SGCD: variants seen among roughly 807,000 people sequenced by gnomAD.
SGCD encodes the protein sarcoglycan delta.
Under a neutral mutation model 36.6 loss-of-function variants are expected in SGCD, and 18 were observed. That is an observed-to-expected ratio of 0.49 (90% CI 0.34 to 0.73). The LOEUF is 0.73. Among genes scored for constraint, SGCD ranks in the 30% least tolerant of loss-of-function variants. The pLI is 0.01. For synonymous variants in SGCD, 133 were observed against 130.6 expected (o/e 1.02, Z -0.12); for missense variants, 387 against 346.7 (o/e 1.12, Z -0.92).
chr5:156,656,510 T>C (rs145289044), intron 7 of SGCD, among the ~76,000 whole-genome samples: 129 of 152,240 alleles, frequency 8.5e-4, no homozygotes, highest in Middle Eastern at 3.4e-3. Flanking sequence ...TCTGGGGCCA[T>C]TTAGCATGGG....
chr5:155,953,796 A>G (rs1004771412), intron 1 of SGCD, among the ~76,000 whole-genome samples: 1 of 152,188 alleles, frequency 6.6e-6, no homozygotes, highest in Non-Finnish European at 1.5e-5. Flanking sequence ...TCCTCCAACA[A>G]ATTCATTTTC....
intron 7 of SGCD, among the ~76,000 whole-genome samples, chr5:156,731,967 G>A (rs1231917961): frequency 1.3e-5 from 2 of 152,030 alleles, no homozygotes; most frequent in African/African-American, 2.4e-5. Context: ...ACTGTTGTTG[G>A]TACATAGGAA....
intron 4 of SGCD, among the ~76,000 whole-genome samples, chr5:156,551,643 A>T (rs1758803176): frequency 6.6e-6 from 1 of 152,218 alleles, no homozygotes; most frequent in Admixed American, 6.5e-5. Context: ...AGGGAGGGAT[A>T]AAGGCAAAGG....
At chr5:156,656,118 T>C (rs1027483582) in intron 7 of SGCD, among the ~76,000 whole-genome samples, 2 of 152,130 alleles carry the variant, frequency 1.3e-5, no homozygotes, top group African/African-American at 4.8e-5. Flanking sequence ...GAGGGAACCA[T>C]GAAATATCAA....
At chr5:156,299,512 A>G (rs913829137) in intron 3 of SGCD, among the ~76,000 whole-genome samples, 20 of 151,854 alleles carry the variant, frequency 1.3e-4, no homozygotes, top group African/African-American at 4.4e-4. Context: ...GAATGTCTAG[A>G]TTGTTTTGGG....
At chr5:156,489,660 C>G (rs1476025086) in intron 3 of SGCD, among the ~76,000 whole-genome samples, 1 of 151,932 alleles carries the variant, frequency 6.6e-6, no homozygotes. Flanking sequence ...AAATCAAAAA[C>G]ATTTTTGAAA....
chr5:155,928,515 A>C (rs1053857852), intron 1 of SGCD, among the ~76,000 whole-genome samples: 2 of 151,984 alleles, frequency 1.3e-5, no homozygotes, highest in African/African-American at 4.8e-5. Context: ...TAAAAATATA[A>C]AAATTAGCTG....
intron 3 of SGCD, among the ~76,000 whole-genome samples, chr5:156,309,373 G>A (rs1397685344): frequency 4.0e-5 from 6 of 151,514 alleles, no homozygotes; most frequent in Non-Finnish European, 8.8e-5. Flanking sequence ...ATTTTTATTG[G>A]TAAAGTCTAT....
chr5:156,391,180 A>T (rs73293248), intron 3 of SGCD, among the ~76,000 whole-genome samples: 2 of 152,172 alleles, frequency 1.3e-5, no homozygotes, highest in Non-Finnish European at 2.9e-5. Context: ...ATACACAAAA[A>T]CTTCCCATTG....
chr5:156,505,226 C>G (rs1040360310), intron 3 of SGCD, among the ~76,000 whole-genome samples: 1 of 152,318 alleles, frequency 6.6e-6, no homozygotes, highest in Admixed American at 6.5e-5. Context: ...TGCCATGTCC[C>G]CCAGCCTGTT....
At chr5:156,564,382 G>A (rs1360737112) in intron 4 of SGCD, among the ~76,000 whole-genome samples, 12 of 152,076 alleles carry the variant, frequency 7.9e-5, no homozygotes, top group African/African-American at 2.4e-4. Context: ...CCCGGGAGGC[G>A]GAGCTTGCAG....
intron 1 of SGCD, among the ~76,000 whole-genome samples, chr5:156,098,595 A>ATG (rs1028966183): frequency 1.6e-5 from 2 of 128,032 alleles, no homozygotes; most frequent in Admixed American, 1.5e-4. Flanking sequence ...GGTTGTGTGT[A>ATG]TGTGTATATA....
intron 1 of SGCD, among the ~76,000 whole-genome samples, chr5:155,921,293 C>T (rs999917076): frequency 1.3e-5 from 2 of 151,940 alleles, no homozygotes; most frequent in Admixed American, 1.3e-4. Flanking sequence ...GGAGGCAGAA[C>T]CAGATTTTGT....
intron 3 of SGCD, among the ~76,000 whole-genome samples, chr5:156,424,510 T>C (rs1344375531): frequency 6.6e-6 from 1 of 152,112 alleles, no homozygotes; most frequent in Non-Finnish European, 1.5e-5. Flanking sequence ...CCATTCCAAA[T>C]TTTTGGTCTT....
intron 3 of SGCD, among the ~76,000 whole-genome samples, chr5:156,444,064 T>TCTCTCTC (rs1491385216): frequency 2.9e-5 from 1 of 34,486 alleles, no homozygotes; most frequent in African/African-American, 1.0e-4. Flanking sequence ...CTTTCTCTCC[T>TCTCTCTC]TCTCTCTCTC....
At chr5:156,279,648 G>A (rs1766399025) in intron 3 of SGCD, among the ~76,000 whole-genome samples, 1 of 152,122 alleles carries the variant, frequency 6.6e-6, no homozygotes, top group South Asian at 2.1e-4. Flanking sequence ...GAAAAGTGTT[G>A]GAAGAGTAGA....
chr5:156,222,771 T>A (rs1041846255), intron 3 of SGCD, among the ~76,000 whole-genome samples: 7 of 152,132 alleles, frequency 4.6e-5, no homozygotes, highest in African/African-American at 1.7e-4. Context: ...TTCTTTTATT[T>A]ACTTTAAAAG....
chr5:156,107,779 C>T (rs1761682232), intron 1 of SGCD, among the ~76,000 whole-genome samples: 1 of 152,088 alleles, frequency 6.6e-6, no homozygotes, highest in South Asian at 2.1e-4. Flanking sequence ...TTTATGTCTA[C>T]TAATGTTTTT....
At chr5:156,473,275 T>C (rs924335818) in intron 3 of SGCD, among the ~76,000 whole-genome samples, 2 of 152,336 alleles carry the variant, frequency 1.3e-5, no homozygotes, top group Middle Eastern at 3.4e-3. Flanking sequence ...CTGAACCCTA[T>C]ACAGATGCTC....
Sources: allele counts gnomAD v4.1 joint callset (sites outside exome capture counted in the v4.1 genomes callset), GRCh38; gene constraint gnomAD v4.1.1; transcripts MANE v1.5; gene names NCBI Gene and HGNC (gene_info 2026-07-23, HGNC 2026-07-21).